NUBPL: variants seen among roughly 807,000 people sequenced by gnomAD.
NUBPL encodes NUBP iron-sulfur cluster assembly factor, mitochondrial, also known as iron-sulfur cluster transfer protein NUBPL.
In NUBPL, 31 loss-of-function variants were observed where a neutral mutation model predicts 45.7. The ratio of observed to expected loss-of-function variants is 0.68; its 90% CI spans 0.51 to 0.92. NUBPL has a LOEUF of 0.92. NUBPL is among the 40% of genes least tolerant of loss of function. The pLI, the probability that NUBPL is intolerant of heterozygous loss-of-function variation, is 0.00. For missense variants in NUBPL, 401 were observed against 398.7 expected (o/e 1.01, Z -0.05); for synonymous variants, 144 against 140.9 (o/e 1.02, Z -0.15).
At chr14:31,771,532 T>C (rs1897141) in intron 6 of NUBPL, among the ~76,000 whole-genome samples, 79,381 of 151,972 alleles carry the variant, frequency 0.52, 22,555 homozygotes, top group Non-Finnish European at 0.63. Flanking sequence ...ACAGTGATGC[T>C]GTGCTGCATT....
intron 3 of NUBPL, among the ~76,000 whole-genome samples, chr14:31,580,920 T>C (rs1013706217): frequency 7.9e-5 from 12 of 152,130 alleles, no homozygotes; most frequent in Non-Finnish European, 1.5e-4. Context: ...AAATTTGGAT[T>C]TTTTTCTGTG....
intron 4 of NUBPL, among the ~76,000 whole-genome samples, chr14:31,600,064 G>T (rs1349789267): frequency 6.6e-6 from 1 of 151,680 alleles, no homozygotes; most frequent in African/African-American, 2.4e-5. Context: ...TGGGACTACA[G>T]GTGCACGCCA....
At chr14:31,757,477 G>C (rs1339467383) in intron 6 of NUBPL, among the ~76,000 whole-genome samples, 1 of 152,100 alleles carries the variant, frequency 6.6e-6, no homozygotes, top group East Asian at 1.9e-4. Flanking sequence ...AGATTTTCTA[G>C]TTTATTTGCA....
chr14:31,565,156 G>A (rs1030914615), intron 3 of NUBPL, 108 bp downstream of exon 3: 1 of 638,952 alleles, frequency 1.6e-6, no homozygotes, highest in Non-Finnish European at 2.8e-6. Flanking sequence ...TAGTGTAGTT[G>A]TAGTGAGTTG....
At chr14:31,655,093 A>G (rs2139752755) in intron 4 of NUBPL, among the ~76,000 whole-genome samples, 1 of 152,286 alleles carries the variant, frequency 6.6e-6, no homozygotes, top group Non-Finnish European at 1.5e-5. Context: ...GAGGGTTGGA[A>G]TCAACTTCTT....
chr14:31,813,667 C>T (rs924861334), intron 7 of NUBPL, among the ~76,000 whole-genome samples: 17 of 152,078 alleles, frequency 1.1e-4, no homozygotes, highest in African/African-American at 4.1e-4. Context: ...GGTATTTCTC[C>T]TAATGCTATC....
chr14:31,628,771 C>T (rs1046651525), intron 4 of NUBPL, among the ~76,000 whole-genome samples: 6 of 152,142 alleles, frequency 3.9e-5, no homozygotes, highest in African/African-American at 1.4e-4. Flanking sequence ...GGGATGCTTG[C>T]TGTGTACTTC....
intron 3 of NUBPL, among the ~76,000 whole-genome samples, chr14:31,591,711 T>A (rs2034147548): frequency 6.6e-6 from 1 of 152,090 alleles, no homozygotes; most frequent in Non-Finnish European, 1.5e-5. Context: ...TTGAGCCCTA[T>A]AACTTAAAGT....
chr14:31,643,339 G>T (rs114284104), intron 4 of NUBPL, among the ~76,000 whole-genome samples: 1,808 of 152,150 alleles, frequency 0.012, 29 homozygotes, highest in African/African-American at 0.034. Flanking sequence ...TACCCAGTTT[G>T]TTGAGGATTT....
At chr14:31,846,692 C>CA in intron 9 of NUBPL, 101 bp downstream of exon 9, 2 of 1,551,942 alleles carry the variant, frequency 1.3e-6, no homozygotes, top group Non-Finnish European at 1.7e-6. Flanking sequence ...CACGGAGTCT[C>CA]ACACCTGTAA....
chr14:31,787,005 A>G (rs2039297019), intron 6 of NUBPL, among the ~76,000 whole-genome samples: 1 of 152,176 alleles, frequency 6.6e-6, no homozygotes, highest in South Asian at 2.1e-4. Flanking sequence ...GCAGTGGAGA[A>G]AGAGAGAAGT....
intron 4 of NUBPL, among the ~76,000 whole-genome samples, chr14:31,645,784 CCA>C (rs2035834995): frequency 7.3e-6 from 1 of 137,550 alleles, no homozygotes; most frequent in South Asian, 2.8e-4. Flanking sequence ...ACCCCCCCCC[CCA>C]CATTTTGACT....
chr14:31,825,293 T>C (rs931175076), intron 7 of NUBPL, among the ~76,000 whole-genome samples: 1 of 152,208 alleles, frequency 6.6e-6, no homozygotes, highest in Non-Finnish European at 1.5e-5. Context: ...CCATCTGTCA[T>C]ACTTCACCAT....
At chr14:31,793,842 T>TTA (rs1555338732) in intron 7 of NUBPL, among the ~76,000 whole-genome samples, 3,940 of 124,942 alleles carry the variant, frequency 0.032, 176 homozygotes, top group African/African-American at 0.16. Flanking sequence ...TTTTTTTTTA[T>TTA]TTTTTTTTTT....
At chr14:31,645,226 C>T (rs939724056) in intron 4 of NUBPL, among the ~76,000 whole-genome samples, 13 of 152,008 alleles carry the variant, frequency 8.6e-5, no homozygotes, top group South Asian at 8.3e-4. Context: ...CCACCACACC[C>T]GGCTAATTTT....
At chr14:31,754,801 A>T in intron 6 of NUBPL, among the ~76,000 whole-genome samples, 1 of 146,832 alleles carries the variant, frequency 6.8e-6, no homozygotes, top group South Asian at 2.2e-4. Flanking sequence ...GCACCCATTA[A>T]CTCGTCATTT....
At chr14:31,668,888 C>T (rs144736588) in intron 4 of NUBPL, among the ~76,000 whole-genome samples, 67 of 152,242 alleles carry the variant, frequency 4.4e-4, no homozygotes, top group East Asian at 1.7e-3. Context: ...TAACCAGTTC[C>T]GGTGAGATGA....
intron 7 of NUBPL, among the ~76,000 whole-genome samples, chr14:31,808,297 A>C (rs35588979): frequency 0.33 from 50,283 of 151,784 alleles, 9,618 homozygotes; most frequent in South Asian, 0.44. Context: ...CTTTTATTTC[A>C]TTGAGCAGTG....
At chr14:31,800,340 C>T in intron 7 of NUBPL, among the ~76,000 whole-genome samples, 1 of 152,200 alleles carries the variant, frequency 6.6e-6, no homozygotes, top group East Asian at 1.9e-4. Flanking sequence ...ATACATACAA[C>T]ATAATATCGA....
Sources: gnomAD v4.1 joint callset for allele counts (sites outside exome capture counted in the v4.1 genomes callset) on GRCh38, gnomAD v4.1.1 for gene constraint, MANE v1.5 for transcripts, NCBI Gene and HGNC (gene_info 2026-07-23, HGNC 2026-07-21) for gene names.